Variants in DNAJC1 observed in about 807,000 individuals in gnomAD.
DNAJC1 encodes dnaJ homolog subfamily C member 1.
Under a neutral mutation model 76.6 loss-of-function variants are expected in DNAJC1, and 58 were observed. The ratio of observed to expected loss-of-function variants is 0.76; its 90% CI spans 0.61 to 0.94. The LOEUF (loss-of-function observed/expected upper bound fraction) is 0.94, where lower values mean the gene tolerates loss of function less well. Ranked by LOEUF, DNAJC1 falls within the 40% of genes least tolerant of loss-of-function variation. The pLI, the probability that DNAJC1 is intolerant of heterozygous loss-of-function variation, is 0.00. For synonymous variants in DNAJC1, 258 were observed against 267.9 expected (o/e 0.96, Z 0.36); for missense variants, 689 against 677.3 (o/e 1.02, Z -0.19).
At chr10:22,001,045 C>T (rs1838510887) in intron 1 of DNAJC1, among the ~76,000 whole-genome samples, 1 of 152,216 alleles carries the variant, frequency 6.6e-6, no homozygotes, top group Admixed American at 6.5e-5. Flanking sequence ...ACTTACTTGG[C>T]TGTTTACTGT....
intron 1 of DNAJC1, among the ~76,000 whole-genome samples, chr10:21,992,386 C>T (rs1213208510): frequency 6.6e-6 from 1 of 151,994 alleles, no homozygotes; most frequent in South Asian, 2.1e-4. Flanking sequence ...AAATAAAATA[C>T]ATTATCAAAA....
chr10:21,774,950 T>C (rs1255332954), intron 9 of DNAJC1, among the ~76,000 whole-genome samples: 3 of 152,158 alleles, frequency 2.0e-5, no homozygotes, highest in Admixed American at 1.3e-4. Context: ...TCCTGATACA[T>C]TGTCAAGAAC....
At chr10:21,837,599 C>T (rs541435794) in intron 8 of DNAJC1, among the ~76,000 whole-genome samples, 6 of 151,204 alleles carry the variant, frequency 4.0e-5, no homozygotes, top group East Asian at 2.0e-4. Flanking sequence ...TCTGCCCGGC[C>T]GCCCCATCTG....
chr10:21,835,832 G>C (rs1835442965), intron 8 of DNAJC1, among the ~76,000 whole-genome samples: 1 of 152,182 alleles, frequency 6.6e-6, no homozygotes, highest in South Asian at 2.1e-4. Context: ...CATGTGAAAA[G>C]ACCAAGTCTA....
intron 7 of DNAJC1, among the ~76,000 whole-genome samples, chr10:21,897,052 C>T (rs922151983): frequency 1.3e-5 from 2 of 152,178 alleles, no homozygotes; most frequent in Non-Finnish European, 2.9e-5. Context: ...TGATCTTGGA[C>T]TCCCCAGCAT....
At chr10:21,872,139 C>A (rs1008834781) in intron 8 of DNAJC1, among the ~76,000 whole-genome samples, 5 of 148,582 alleles carry the variant, frequency 3.4e-5, no homozygotes, top group African/African-American at 1.3e-4. Flanking sequence ...AGTGGTGTGA[C>A]CTTGGCTCAC....
chr10:21,933,964 C>T (rs1030963807), intron 1 of DNAJC1, among the ~76,000 whole-genome samples: 5 of 151,826 alleles, frequency 3.3e-5, no homozygotes, highest in Admixed American at 2.6e-4. Flanking sequence ...TATGTATTTA[C>T]TATACTATTA....
At position 21,813,212 on chromosome 10, in the gene DNAJC1, CTCTCTCTCTATA is replaced by C. The variant is rs1471894938; in HGVS notation, c.979-7125_979-7114del. Among the ~76,000 whole-genome samples the C allele has an allele frequency of 2.0e-3, 103 of 52,058 alleles. 1 individual carries two copies. Among genetic ancestry groups the C allele is most frequent in the East Asian group, 8.5e-3 (19 of 2,248 alleles). 34.2% of individuals were successfully genotyped at this position (52,058 alleles called of 152,430 possible). A position where few individuals can be genotyped will look rare whatever the true frequency, so the allele number is the denominator to read the frequency against. On this transcript the variant is annotated intron_variant, in intron 8 of 11. Coordinates refer to ENST00000376980, the MANE Select transcript of DNAJC1 (RefSeq NM_022365.4). ...TCTCTCTCTCTCTCTCTCTCTCTCT[CTCTCTCTCTATA>C]TATATATATATATATATATACACAT...
chr10:21,959,051 T>C (rs561029905), intron 1 of DNAJC1, among the ~76,000 whole-genome samples: 1 of 152,280 alleles, frequency 6.6e-6, no homozygotes, highest in East Asian at 1.9e-4. Flanking sequence ...GGAATTGGCC[T>C]TTCTAGTTCA....
intron 1 of DNAJC1, among the ~76,000 whole-genome samples, chr10:21,982,892 A>AT (rs1291962511): frequency 6.6e-6 from 1 of 152,102 alleles, no homozygotes; most frequent in Non-Finnish European, 1.5e-5. Context: ...CTCTACAAAA[A>AT]TTTTTTTAAA....
rs190505814 is a variant in DNAJC1, at chr10:21,878,347, C to G, written c.978+3935G>C. ...CTTGCAACACATGAGCCTACTGCAA[C>G]AGCAACGAGAGGTGTTTTAAATTAT... On this transcript the variant is annotated intron_variant, in intron 8 of 11. Coordinates refer to ENST00000376980, the MANE Select transcript of DNAJC1 (RefSeq NM_022365.4). Among the ~76,000 whole-genome samples, 667 of 152,316 alleles carry G rather than the reference C, an allele frequency of 4.4e-3. 8 individuals carry two copies. The highest frequency in any genetic ancestry group is 0.018 in the South Asian group (88 of 4,828).
intron 8 of DNAJC1, among the ~76,000 whole-genome samples, chr10:21,813,220 C>CTCTATATATATATATATATATATA: frequency 5.2e-5 from 1 of 19,090 alleles, no homozygotes; most frequent in Non-Finnish European, 8.7e-5. Flanking sequence ...CTCTCTCTCT[C>CTCTATATATATATATATATATATA]TATATATATA....
intron 10 of DNAJC1, among the ~76,000 whole-genome samples, chr10:21,765,718 G>A (rs1035392216): frequency 6.6e-6 from 1 of 151,990 alleles, no homozygotes; most frequent in Non-Finnish European, 1.5e-5. Flanking sequence ...AGTGGCGGGC[G>A]CCCGTAATCC....
At chr10:21,763,367 G>A (rs1424405996) in intron 10 of DNAJC1, among the ~76,000 whole-genome samples, 3 of 152,104 alleles carry the variant, frequency 2.0e-5, no homozygotes, top group Non-Finnish European at 2.9e-5. Flanking sequence ...AGTCTTCAGC[G>A]AGTATGCTGC....
chr10:21,838,090 C>T (rs1012753380), intron 8 of DNAJC1, among the ~76,000 whole-genome samples: 1 of 151,694 alleles, frequency 6.6e-6, no homozygotes. Flanking sequence ...AGTGAGGAGC[C>T]CCTCTGCCCG....
chr10:21,817,630 A>G (rs1384029104), intron 8 of DNAJC1, among the ~76,000 whole-genome samples: 1 of 152,248 alleles, frequency 6.6e-6, no homozygotes, highest in African/African-American at 2.4e-5. Flanking sequence ...AATGAAAAAA[A>G]ATGTATTCTG....
intron 7 of DNAJC1, among the ~76,000 whole-genome samples, chr10:21,883,689 A>G (rs1049140903): frequency 3.9e-5 from 6 of 152,228 alleles, no homozygotes; most frequent in Non-Finnish European, 7.3e-5. Context: ...AGTACACTGT[A>G]GAGGATCAGT....
In DNAJC1 at chr10:21,942,821, A is replaced by G. The variant is rs530702342; in HGVS notation, c.223-13680T>C. ...ACTCCATCTCAAAAAAAAAAAAAAAAAAAGAAAGAAAGAAAAAGAAATATA... is the reference window on the plus strand; with the variant it reads ...ACTCCATCTCAAAAAAAAAAAAAAAGAAAGAAAGAAAGAAAAAGAAATATA... On this transcript the variant is annotated intron_variant, in intron 1 of 11. Coordinates refer to ENST00000376980, the MANE Select transcript of DNAJC1 (RefSeq NM_022365.4). Among the ~76,000 whole-genome samples the G allele has an allele frequency of 4.7e-3, 714 of 150,570 alleles. 5 individuals are homozygous for G. Among genetic ancestry groups the G allele is most frequent in the Non-Finnish European group, 8.3e-3 (562 of 67,606 alleles).
intron 8 of DNAJC1, among the ~76,000 whole-genome samples, chr10:21,875,101 G>C (rs1026075654): frequency 6.6e-6 from 1 of 152,108 alleles, no homozygotes; most frequent in African/African-American, 2.4e-5. Context: ...GGCTGGTCTT[G>C]AACTCCTGAC....
Sources: gnomAD v4.1 joint callset for allele counts (sites outside exome capture counted in the v4.1 genomes callset) on GRCh38, gnomAD v4.1.1 for gene constraint, MANE v1.5 for transcripts, NCBI Gene and HGNC (gene_info 2026-07-23, HGNC 2026-07-21) for gene names.